Variants in EPB41L5 observed in about 807,000 individuals in gnomAD.
EPB41L5 encodes erythrocyte membrane protein band 4.1 like 5.
Under a neutral mutation model 106.6 loss-of-function variants are expected in EPB41L5, and 55 were observed. That is an observed-to-expected ratio of 0.52 (90% confidence interval 0.42 to 0.65). EPB41L5 has a LOEUF of 0.65. EPB41L5 is among the 30% of genes least tolerant of loss of function. EPB41L5 has a pLI of 0.00. For synonymous variants in EPB41L5, 297 were observed against 306.7 expected (o/e 0.97, Z 0.33); for missense variants, 871 against 882.1 (o/e 0.99, Z 0.16).
At chr2:120,024,610 C>T (rs906748842) in intron 2 of EPB41L5, among the ~76,000 whole-genome samples, 1 of 152,080 alleles carries the variant, frequency 6.6e-6, no homozygotes, top group Non-Finnish European at 1.5e-5. Flanking sequence ...GTGCCTGCCA[C>T]CACACCCGGC....
intron 12 of EPB41L5, among the ~76,000 whole-genome samples, 169 bp downstream of exon 12, chr2:120,090,685 T>C (rs908072538): frequency 6.6e-6 from 1 of 152,184 alleles, no homozygotes; most frequent in Non-Finnish European, 1.5e-5. Context: ...TTGTTATTGG[T>C]TATAATTTCT....
Position 120,177,606 on chromosome 2 carries a change from T to C in EPB41L5, c.*2699T>C, listed in dbSNP as rs934449770. 1 of 152,218 alleles carries C rather than the reference T, an allele frequency of 6.6e-6. No homozygotes were observed. The highest frequency in any genetic ancestry group is 2.1e-4 in the South Asian group (1 of 4,836). The allele number at this position is 152,218 out of a possible 1,614,324, so 9.4% of individuals were successfully genotyped here. Reference sequence around the variant, plus strand: ...TGAGACCTAATTTGTGACATGTCAGTAGCATCATCTTTTGACACACAGGAG... The same window carrying C: ...TGAGACCTAATTTGTGACATGTCAGCAGCATCATCTTTTGACACACAGGAG... On this transcript the variant is annotated 3_prime_UTR_variant, in exon 25 of 25. Coordinates refer to ENST00000263713, the MANE Select transcript of EPB41L5 (RefSeq NM_020909.4).
At chr2:120,105,647 A>G in intron 16 of EPB41L5, 1 of 985,018 alleles carries the variant, frequency 1.0e-6, no homozygotes, top group Non-Finnish European at 1.2e-6. Context: ...AGTATTTAGC[A>G]CATCCTCTAA....
In EPB41L5 at chr2:120,167,576, G is replaced by A. The variant is rs77846816; in HGVS notation, c.2004+69G>A. 1.1e-3 allele frequency: 1,588 copies of A among 1,490,434 alleles called. 13 individuals are homozygous for A. The African/African-American group carries it at 0.02, about 19-fold the overall frequency. The allele number at this position is 1,490,434 out of a possible 1,614,324, so 92.3% of individuals were successfully genotyped here. A position where few individuals can be genotyped will look rare whatever the true frequency, so the allele number is the denominator to read the frequency against. Reference sequence around the variant, plus strand: ...AGGGTAAGGCCTAAAGGATTACTAGGTTCTTTGTTTTTCCTTAAAAACATG... The same window carrying A: ...AGGGTAAGGCCTAAAGGATTACTAGATTCTTTGTTTTTCCTTAAAAACATG... On this transcript the variant is annotated intron_variant, in intron 23 of 24. Transcript: ENST00000263713.
At chr2:120,051,489 C>T (rs755310660) in intron 3 of EPB41L5, among the ~76,000 whole-genome samples, 2 of 152,180 alleles carry the variant, frequency 1.3e-5, no homozygotes, top group Non-Finnish European at 2.9e-5. Context: ...GTGCCGTTTG[C>T]TAAGACCGTT....
rs765431598 is a variant in EPB41L5, at chr2:120,074,177, C to T, written c.406C>T (p.Arg136Trp). The T allele has an allele frequency of 4.4e-6, 7 of 1,606,844 alleles. No individual in the cohort carries two copies. The highest frequency in any genetic ancestry group is 2.2e-5 in the South Asian group (2 of 90,230). Residue 136 changes from arginine to tryptophan, a missense_variant and splice_region_variant, in exon 5 of 25, where the codon CGG becomes TGG. By Grantham distance (101) the Arg-to-Trp change is moderately radical. Transcript: ENST00000263713. ...EPNNLREELT[R>W]YLFVLQLKQD... ...AAATAACCTTCGTGAGGAGCTAACC[C>T]GGTAAGAACACCATCTAGAATTGTG...
At chr2:120,126,009 A>ATAG (rs1200289496) in intron 16 of EPB41L5, among the ~76,000 whole-genome samples, 2 of 152,150 alleles carry the variant, frequency 1.3e-5, no homozygotes, top group African/African-American at 4.8e-5. Flanking sequence ...TTGTCTTCAC[A>ATAG]TAGCATTCTC....
At chr2:120,023,375 G>A (rs1276097038) in intron 2 of EPB41L5, among the ~76,000 whole-genome samples, 1 of 152,100 alleles carries the variant, frequency 6.6e-6, no homozygotes. Flanking sequence ...GTTAAGGAAG[G>A]GGTCCAGTTT....
At chr2:120,145,097 C>T (rs923847496) in intron 19 of EPB41L5, among the ~76,000 whole-genome samples, 3 of 152,214 alleles carry the variant, frequency 2.0e-5, no homozygotes, top group Non-Finnish European at 4.4e-5. Context: ...CATCCCTGTG[C>T]TGGTGATGAT....
intron 20 of EPB41L5, among the ~76,000 whole-genome samples, chr2:120,156,539 C>T (rs1163424578): frequency 1.3e-5 from 2 of 152,182 alleles, no homozygotes; most frequent in African/African-American, 4.8e-5. Flanking sequence ...CATGTCTCTC[C>T]CGTGTCCCAT....
chr2:120,075,881 G>T, intron 7 of EPB41L5, 128 bp downstream of exon 7: 2 of 735,754 alleles, frequency 2.7e-6, no homozygotes, highest in Middle Eastern at 3.1e-4. Context: ...CTTGTATCAG[G>T]GTCCAACTCT....
intron 17 of EPB41L5, 184 bp downstream of exon 17, chr2:120,128,035 T>C (rs1685535622): frequency 2.2e-6 from 1 of 449,884 alleles, no homozygotes; most frequent in South Asian, 6.2e-5. Flanking sequence ...ATAACATAAT[T>C]GAGGTCATTA....
At chr2:120,069,172 G>T (rs1200174938) in intron 3 of EPB41L5, among the ~76,000 whole-genome samples, 1 of 128,478 alleles carries the variant, frequency 7.8e-6, no homozygotes, top group African/African-American at 3.1e-5. Context: ...AAAAAAGCAG[G>T]GGTTGCAATC....
At chr2:120,020,108 G>A (rs1004039651) in intron 2 of EPB41L5, among the ~76,000 whole-genome samples, 3 of 152,106 alleles carry the variant, frequency 2.0e-5, no homozygotes, top group Non-Finnish European at 4.4e-5. Flanking sequence ...TCTTTGTTCT[G>A]CATTCAAAGA....
chr2:120,102,450 A>G (rs781092014), intron 16 of EPB41L5, among the ~76,000 whole-genome samples: 2 of 152,088 alleles, frequency 1.3e-5, no homozygotes, highest in Non-Finnish European at 2.9e-5. Flanking sequence ...ATGGAACTGA[A>G]TATAGAGCTG....
At chr2:120,043,267 A>G (rs1429933115) in intron 3 of EPB41L5, among the ~76,000 whole-genome samples, 1 of 152,028 alleles carries the variant, frequency 6.6e-6, no homozygotes, top group Non-Finnish European at 1.5e-5. Flanking sequence ...TGGGCCATGC[A>G]TGGTGGCTCA....
chr2:120,090,353 G>T lies in EPB41L5; in HGVS notation c.880G>T (p.Glu294Ter). 6.2e-7 allele frequency: 1 copy of T among 1,603,576 alleles called. No homozygotes were observed. The highest frequency in any genetic ancestry group is 8.5e-7 in the Non-Finnish European group (1 of 1,176,696). The change falls in exon 12 of 25, where the codon GAA becomes TAA. Residue 294 changes from glutamate (E) to a stop codon, truncating the protein, a stop_gained. Coordinates refer to ENST00000263713, the MANE Select transcript of EPB41L5 (RefSeq NM_020909.4). LOFTEE classifies it high-confidence loss of function. Reference protein sequence around the residue: ...VVVEDDDQGKEQEHTFVFRLD... With the variant: ...VVVEDDDQGK ...ATATACTTTTCTTTTTCAGGGCAAA[G>T]AACAGGAACATACATTTGTCTTTAG...
chr2:120,156,540 C>T lies in EPB41L5; in HGVS notation c.1794-4341C>T, dbSNP rs186549263. 2.6e-5 allele frequency among the ~76,000 whole-genome samples: 4 copies of T among 152,306 alleles called. 1 individual carries two copies. Among genetic ancestry groups the T allele is most frequent in the Admixed American group, 2.0e-4 (3 of 15,304 alleles). ...CTGCAGCAGGAGGGCATGTCTCTCC[C>T]GTGTCCCATCAACTGCCACTGCAGT... On this transcript the variant is annotated intron_variant, in intron 20 of 24. Coordinates refer to ENST00000263713, the MANE Select transcript of EPB41L5 (RefSeq NM_020909.4).
chr2:120,052,420 A>G (rs146997018), intron 3 of EPB41L5, among the ~76,000 whole-genome samples: 43 of 152,314 alleles, frequency 2.8e-4, no homozygotes, highest in Non-Finnish European at 8.8e-5. Flanking sequence ...CCCTTGATTA[A>G]GATGGTGTCT....
Sources: allele counts gnomAD v4.1 joint callset (sites outside exome capture counted in the v4.1 genomes callset), GRCh38; gene constraint gnomAD v4.1.1; transcripts MANE v1.5; gene names NCBI Gene and HGNC (gene_info 2026-07-23, HGNC 2026-07-21).